Variants in LMBR1L observed in about 807,000 individuals in gnomAD.
LMBR1L encodes protein LMBR1L.
In LMBR1L, 47 loss-of-function variants were observed where a neutral mutation model predicts 67.3. The observed-to-expected ratio is 0.70, with a 90% CI of 0.55 to 0.89. The LOEUF is 0.89. LMBR1L is among the 40% of genes least tolerant of loss of function. The probability of loss-of-function intolerance (pLI) is 0.00; values close to 1 mark genes in which losing one functional copy is unlikely to be tolerated. For synonymous variants in LMBR1L, 247 were observed against 250.3 expected, an observed-to-expected ratio of 0.99 and a Z score of 0.13; for missense variants, 533 against 599.2, an observed-to-expected ratio of 0.89 and a Z score of 1.15.
intron 1 of LMBR1L, among the ~76,000 whole-genome samples, chr12:49,108,118 C>T (rs1941126909): frequency 6.6e-6 from 1 of 151,950 alleles, no homozygotes; most frequent in African/African-American, 2.4e-5. Flanking sequence ...CAAAAATTAG[C>T]TGGGTGTGGT....
intron 5 of LMBR1L, 113 bp downstream of exon 5, chr12:49,104,335 C>G (rs1940604711): frequency 2.5e-6 from 2 of 799,872 alleles, no homozygotes; most frequent in Admixed American, 4.2e-5. Flanking sequence ...GTCACTAGAG[C>G]CTCAAACTTC....
intron 1 of LMBR1L, chr12:49,109,587 ATTCCCT>A: frequency 7.2e-6 from 3 of 418,622 alleles, no homozygotes; most frequent in Non-Finnish European, 1.4e-5. Context: ...TTTCCAAACC[ATTCCCT>A]TTCCATTTAC....
At chr12:49,106,462 C>T in intron 2 of LMBR1L, 1 of 726,056 alleles carries the variant, frequency 1.4e-6, no homozygotes, top group Non-Finnish European at 2.1e-6. Context: ...TGTGCCCCCA[C>T]CCCCAATTAC....
rs770638899 is a variant in LMBR1L at position 49,101,523 on chromosome 12, G to C, written c.957C>G (p.Ile319Met). The C allele has an allele frequency of 1.2e-6, 2 of 1,613,762 alleles. No homozygotes were observed. The highest frequency in any genetic ancestry group is 1.7e-6 in the Non-Finnish European group (2 of 1,179,886). The change falls in exon 12 of 17, where the codon ATC (isoleucine) becomes ATG (methionine). Residue 319 changes from isoleucine to methionine, a missense_variant. Transcript: ENST00000267102. ...CATCGATGAGCAGCTCCAGGATGTG[G>C]ATGGCCACAATGAGCACAGACAGGC... ...LTGLSVLIVA[I>M]HILELLIDEA...
At chr12:49,106,799 G>T (rs1940968009) in intron 2 of LMBR1L, 162 bp downstream of exon 2, 2 of 829,640 alleles carry the variant, frequency 2.4e-6, no homozygotes, top group Admixed American at 4.0e-5. Flanking sequence ...CCATCTAGCC[G>T]CCCTTGCCCC....
At chr12:49,103,943 T>A in intron 5 of LMBR1L, 130 bp from the exon 6 acceptor site, 1 of 994,520 alleles carries the variant, frequency 1.0e-6, no homozygotes, top group Non-Finnish European at 1.5e-6. Context: ...TTCCTCTTAT[T>A]CTGCTAAGTT....
intron 16 of LMBR1L, 29 bp from the exon 17 acceptor site, chr12:49,097,768 G>A: frequency 6.2e-7 from 1 of 1,613,798 alleles, no homozygotes; most frequent in Non-Finnish European, 8.5e-7. Flanking sequence ...GCAGTCAAAA[G>A]CAAGTCAAAG....
In LMBR1L at chr12:49,100,976, G is replaced by T. The variant is rs1940099605; in HGVS notation, c.1082+274C>A. On this transcript the variant is annotated intron_variant, in intron 13 of 16. Coordinates refer to ENST00000267102, the MANE Select transcript of LMBR1L (RefSeq NM_018113.4). The stretch of plus-strand genomic sequence containing the variant: ...AATCCTAAACTCAAGCAATCTACCC[G>T]CCTCAGCCTCCCAAAGTGCTAGGAT... 2.5e-5 allele frequency: 15 copies of T among 600,660 alleles called. No homozygotes were observed. The South Asian group carries it at 2.9e-4, about 12-fold the overall frequency. The allele number at this position is 600,660 out of a possible 1,614,324, so 37.2% of individuals were successfully genotyped here.
At chr12:49,107,132 T>A in intron 1 of LMBR1L, 87 bp from the exon 2 acceptor site, 1 of 852,028 alleles carries the variant, frequency 1.2e-6, no homozygotes, top group Non-Finnish European at 2.0e-6. Context: ...TTCCAGGCCA[T>A]CACTTCCTCA....
In LMBR1L at chr12:49,101,594, C is replaced by T. The variant is rs375168039; in HGVS notation, c.931-45G>A. On this transcript the variant is annotated intron_variant, in intron 11 of 16. Coordinates refer to ENST00000267102, the MANE Select transcript of LMBR1L (RefSeq NM_018113.4). ...ACTCCCATTCCACCCCAGACCACAG[C>T]TGGACCCAGAGCTAAAGGAATGGGC... 8 of 1,434,406 alleles carry T rather than the reference C, an allele frequency of 5.6e-6. No homozygotes were observed. The African/African-American group carries it at 8.4e-5, about 15-fold the overall frequency. 88.9% of individuals were successfully genotyped at this position (1,434,406 alleles called of 1,614,324 possible). A position where few individuals can be genotyped will look rare whatever the true frequency, so the allele number is the denominator to read the frequency against.
At position 49,097,473 on chromosome 12, in the gene LMBR1L, C is replaced by T. The variant is rs918569709; in HGVS notation, c.*199G>A. Reference sequence around the variant, plus strand: ...CCAGCCCTACCCCATGCTGAGGCCACAGTTAAGTATGGAAAAGCAGGAGGT... The same window carrying T: ...CCAGCCCTACCCCATGCTGAGGCCATAGTTAAGTATGGAAAAGCAGGAGGT... On this transcript the variant is annotated 3_prime_UTR_variant, in exon 17 of 17. Transcript: ENST00000267102. 1 of 601,516 alleles carries T rather than the reference C, an allele frequency of 1.7e-6. No individual in the cohort carries two copies. Among genetic ancestry groups the T allele is most frequent in the African/African-American group, 1.9e-5 (1 of 53,856 alleles). 37.3% of individuals were successfully genotyped at this position (601,516 alleles called of 1,614,324 possible).
Position 49,101,339 on chromosome 12 carries a change from G to A in LMBR1L, c.1009-16C>T. 1.2e-6 allele frequency: 2 copies of A among 1,613,250 alleles called. No homozygotes were observed. The highest frequency in any genetic ancestry group is 8.5e-7 in the Non-Finnish European group (1 of 1,179,220). ...AGGAGGTACCCTGAGGAGTGGGGCA[G>A]TATCACTGTGAGCATTCCCCACCAT... On this transcript the variant is annotated splice_polypyrimidine_tract_variant and intron_variant, in intron 12 of 16. Coordinates refer to ENST00000267102, the MANE Select transcript of LMBR1L (RefSeq NM_018113.4).
intron 15 of LMBR1L, among the ~76,000 whole-genome samples, chr12:49,099,286 T>C (rs1287046866): frequency 6.6e-6 from 1 of 151,992 alleles, no homozygotes; most frequent in African/African-American, 2.4e-5. Context: ...TCAGCTGAGA[T>C]TACAGGCATG....
chr12:49,099,206 A>C lies in LMBR1L; in HGVS notation c.1241-1101T>G, dbSNP rs150965124. ...CAGTGGTACCATCTTGGCTCGCTGC[A>C]ACCTCCACCTCCCAAGCTCAAGCAA... On this transcript the variant is annotated intron_variant, in intron 15 of 16. Transcript: ENST00000267102. Among the ~76,000 whole-genome samples, 174 of 147,932 alleles carry C rather than the reference A, an allele frequency of 1.2e-3. 1 individual carries two copies. Among genetic ancestry groups the C allele is most frequent in the African/African-American group, 3.7e-3 (150 of 40,032 alleles).
chr12:49,110,074 G>A (rs781464058), intron 1 of LMBR1L: 25 of 467,732 alleles, frequency 5.3e-5, no homozygotes, highest in African/African-American at 7.9e-5. Flanking sequence ...CAAGCTCAGT[G>A]TGACGACGTC....
chr12:49,097,838 C>T lies in LMBR1L; in HGVS notation c.1403-99G>A, dbSNP rs1939587572. ...AGAATGTGTGGATGAGGTACGTTACCCACAAAGCAGGAAGCACACCCTCTC... is the reference window on the plus strand; with the variant it reads ...AGAATGTGTGGATGAGGTACGTTACTCACAAAGCAGGAAGCACACCCTCTC... On this transcript the variant is annotated intron_variant, in intron 16 of 16. Transcript: ENST00000267102. 13 of 1,595,894 alleles carry T rather than the reference C, an allele frequency of 8.1e-6. No individual in the cohort carries two copies. In the South Asian group the frequency reaches 1.1e-4, roughly 14 times the overall value.
intron 4 of LMBR1L, 92 bp downstream of exon 4, chr12:49,104,654 G>A: frequency 6.3e-7 from 1 of 1,581,302 alleles, no homozygotes; most frequent in South Asian, 1.1e-5. Context: ...TGCGACATAT[G>A]ACTGCTTGGC....
In LMBR1L at chr12:49,103,076, A is replaced by G. The variant is rs960510668; in HGVS notation, c.631+15T>C. On this transcript the variant is annotated intron_variant, in intron 7 of 16. Transcript: ENST00000267102. ...AAGGACCCTGCCCATTCCCTCCCAG[A>G]CCCTGTACACTCACCCAGGAGCAGC... The G allele has an allele frequency of 1.2e-6, 2 of 1,613,332 alleles. No homozygotes were observed. Among genetic ancestry groups the G allele is most frequent in the Admixed American group, 3.3e-5 (2 of 59,962 alleles).
intron 15 of LMBR1L, among the ~76,000 whole-genome samples, chr12:49,099,719 C>T (rs942338524): frequency 4.6e-5 from 7 of 151,698 alleles, no homozygotes; most frequent in African/African-American, 1.2e-4. Context: ...GTAGCTGGGA[C>T]TACAGGCATG....
Sources: gnomAD v4.1 joint callset for allele counts (sites outside exome capture counted in the v4.1 genomes callset) on GRCh38, gnomAD v4.1.1 for gene constraint, MANE v1.5 for transcripts, NCBI Gene and HGNC (gene_info 2026-07-23, HGNC 2026-07-21) for gene names.